ACSL1: variants seen among roughly 807,000 people sequenced by gnomAD.
ACSL1 encodes the protein long-chain-fatty-acid--CoA ligase 1.
Under a neutral mutation model 98.4 loss-of-function variants are expected in ACSL1, and 41 were observed. The observed-to-expected ratio is 0.42, with a 90% CI of 0.32 to 0.54. The LOEUF is 0.54. Ranked by LOEUF, ACSL1 falls within the 20% of genes least tolerant of loss-of-function variation. The pLI, the probability that ACSL1 is intolerant of heterozygous loss-of-function variation, is 0.13. For missense variants in ACSL1, 734 were observed against 883.1 expected (o/e 0.83, Z 2.14); for synonymous variants, 316 against 322.7 (o/e 0.98, Z 0.22).
chr4:184,765,112 A>C (rs1303871774), intron 14 of ACSL1, among the ~76,000 whole-genome samples, 187 bp from the exon 15 acceptor site: 1 of 152,192 alleles, frequency 6.6e-6, no homozygotes, highest in Non-Finnish European at 1.5e-5. Context: ...GCCGTCACCC[A>C]GGTACACCTT....
intron 1 of ACSL1, among the ~76,000 whole-genome samples, chr4:184,818,390 G>C (rs1443508886): frequency 6.6e-6 from 1 of 152,162 alleles, no homozygotes; most frequent in East Asian, 1.9e-4. Flanking sequence ...TACACGGAAA[G>C]AAACACCTCA....
At chr4:184,804,485 C>G (rs1404853660) in intron 1 of ACSL1, among the ~76,000 whole-genome samples, 1 of 151,432 alleles carries the variant, frequency 6.6e-6, no homozygotes, top group Non-Finnish European at 1.5e-5. Flanking sequence ...GAGGGTGAGG[C>G]AGGAGAATCG....
chr4:184,792,016 T>C (rs892982444), intron 2 of ACSL1, among the ~76,000 whole-genome samples: 5 of 152,218 alleles, frequency 3.3e-5, no homozygotes, highest in African/African-American at 7.2e-5. Context: ...GACCATTTTA[T>C]AACAAACTTT....
At chr4:184,816,584 A>G (rs1350291425) in intron 1 of ACSL1, among the ~76,000 whole-genome samples, 1 of 152,154 alleles carries the variant, frequency 6.6e-6, no homozygotes, top group Non-Finnish European at 1.5e-5. Flanking sequence ...TTTCACTTAA[A>G]ATTTATTATG....
rs962642454 is a variant in ACSL1 at position 184,756,161 on chromosome 4, A to G, written c.*964T>C. 6.6e-6 allele frequency: 1 copy of G among 152,496 alleles called. No homozygotes were observed. Among genetic ancestry groups the G allele is most frequent in the Non-Finnish European group, 1.5e-5 (1 of 68,044 alleles). The allele number at this position is 152,496 out of a possible 1,614,324, so 9.4% of individuals were successfully genotyped here. Reference sequence around the variant, plus strand: ...GAGTTTATTTTTTGGGGAAAAAGGCAAGTTAATCCCAACATGATCTTTTGA... The same window carrying G: ...GAGTTTATTTTTTGGGGAAAAAGGCGAGTTAATCCCAACATGATCTTTTGA... On this transcript the variant is annotated 3_prime_UTR_variant, in exon 21 of 21. Transcript: ENST00000281455.
chr4:184,786,440 A>G (rs1047783238), intron 3 of ACSL1, among the ~76,000 whole-genome samples: 98 of 146,988 alleles, frequency 6.7e-4, no homozygotes, highest in African/African-American at 2.1e-3. Context: ...ACACACACAC[A>G]CACACACACA....
At chr4:184,765,794 A>AACACACAC in intron 14 of ACSL1, 97 bp downstream of exon 14, 1 of 917,936 alleles carries the variant, frequency 1.1e-6, no homozygotes, top group Admixed American at 2.7e-5. Flanking sequence ...ATTAAGAAAG[A>AACACACAC]ACACACACAC....
At chr4:184,820,016 G>A (rs899394307) in intron 1 of ACSL1, among the ~76,000 whole-genome samples, 5 of 152,180 alleles carry the variant, frequency 3.3e-5, no homozygotes, top group East Asian at 1.9e-4. Flanking sequence ...GGGCAATACC[G>A]ACGTCCAGCC....
intron 1 of ACSL1, among the ~76,000 whole-genome samples, chr4:184,809,854 T>C (rs962560350): frequency 2.0e-5 from 3 of 152,150 alleles, no homozygotes; most frequent in Non-Finnish European, 2.9e-5. Flanking sequence ...GTTATTTGAG[T>C]TCTTTGAATA....
At chr4:184,786,467 T>G (rs1767365543) in intron 3 of ACSL1, among the ~76,000 whole-genome samples, 1 of 150,774 alleles carries the variant, frequency 6.6e-6, no homozygotes, top group South Asian at 2.1e-4. Context: ...CACTGTTTCA[T>G]GTGCCATATG....
chr4:184,789,616 G>A (rs1767994917), intron 2 of ACSL1, among the ~76,000 whole-genome samples: 1 of 152,218 alleles, frequency 6.6e-6, no homozygotes, highest in Admixed American at 6.5e-5. Context: ...TGACATCGCT[G>A]TGCACCTTTC....
chr4:184,808,817 C>A (rs977773711), intron 1 of ACSL1, among the ~76,000 whole-genome samples: 2 of 152,220 alleles, frequency 1.3e-5, no homozygotes, highest in Non-Finnish European at 2.9e-5. Flanking sequence ...GGTACGGCAG[C>A]TCAAAAGAGA....
Position 184,780,356 on chromosome 4 carries a change from G to A in ACSL1, c.453C>T (p.Gly151=). The change falls in exon 5 of 21, where the codon GGC becomes GGT. Residue 151 remains glycine (G), a synonymous_variant. Transcript: ENST00000281455. ...CCTCAGGTCTATTTTGAGCAAAGAT[G>A]CCAATGAACTGATCTGGGGCAGTCT... ...GFKTAPDQFI[G]IFAQNRPEWV... 6.2e-7 allele frequency: 1 copy of A among 1,613,766 alleles called. No individual in the cohort carries two copies. The highest frequency in any genetic ancestry group is 8.5e-7 in the Non-Finnish European group (1 of 1,179,906).
chr4:184,801,776 A>G (rs942870748), intron 2 of ACSL1, among the ~76,000 whole-genome samples: 1 of 152,228 alleles, frequency 6.6e-6, no homozygotes, highest in Non-Finnish European at 1.5e-5. Context: ...CTTGCTGCAT[A>G]TCTCAAGTTT....
chr4:184,791,412 T>G (rs967214342), intron 2 of ACSL1, among the ~76,000 whole-genome samples: 2 of 152,144 alleles, frequency 1.3e-5, no homozygotes, highest in African/African-American at 4.8e-5. Context: ...ACAGGCTCAT[T>G]CTAGAGCCAA....
At position 184,766,737 on chromosome 4, in the gene ACSL1, GT is replaced by G; in HGVS notation, c.1147del (p.Thr383ProfsTer3). On this transcript the variant is annotated frameshift_variant, in exon 13 of 21. Coordinates refer to ENST00000281455, the MANE Select transcript of ACSL1 (RefSeq NM_001995.5). LOFTEE classifies it high-confidence loss of function. This position sits in a 1 kb window ranked among gnomAD's most constrained non-coding sequence, Gnocchi z 4.8. ...GTCCAAGAGCCATCGCTTCAGCGTG[GT>G]GTTTGCTTGTCCGAAAATCTAATGA... ...MFDRIFGQANTTLKRWLLDFA... is the reference protein window; with the variant it reads ...MFDRIFGQANXTLKRWLLDFA... 6.2e-7 allele frequency: 1 copy of G among 1,612,388 alleles called. No individual in the cohort carries two copies. Among genetic ancestry groups the G allele is most frequent in the Non-Finnish European group, 8.5e-7 (1 of 1,178,664 alleles).
In ACSL1 at chr4:184,822,672, G is replaced by T. The variant is rs150026028; in HGVS notation, c.-33+3244C>A. On this transcript the variant is annotated intron_variant, in intron 1 of 20. Transcript: ENST00000281455. ...GAGGATCAACTGAGCCCAGGGAGGT[G>T]GAGAGGCTGCAACGAGCCATGATCA... 4.5e-4 allele frequency among the ~76,000 whole-genome samples: 69 copies of T among 152,194 alleles called. No homozygotes were observed. The East Asian group carries it at 0.013, about 28-fold the overall frequency.
In ACSL1 at chr4:184,773,905, T is replaced by G; in HGVS notation, c.757-30A>C. 6.2e-7 allele frequency: 1 copy of G among 1,613,308 alleles called. No individual in the cohort carries two copies. The highest frequency in any genetic ancestry group is 1.3e-5 in the African/African-American group (1 of 75,000). ...ATTAGAAGAGAAAAAAAGTCTTAAA[T>G]GGAAACGTTTTCTAACTGTAAAGGA... is the stretch of plus-strand genomic sequence containing the variant. On this transcript the variant is annotated intron_variant, in intron 7 of 20. Coordinates refer to ENST00000281455, the MANE Select transcript of ACSL1 (RefSeq NM_001995.5). The surrounding 1 kb of genome is among the most constrained non-coding windows in gnomAD (Gnocchi z 4.3).
chr4:184,759,469 A>G (rs1004215840), intron 18 of ACSL1, among the ~76,000 whole-genome samples: 4 of 152,220 alleles, frequency 2.6e-5, no homozygotes, highest in Admixed American at 6.5e-5. Context: ...AGAATCTACA[A>G]TGAACTGAAA....
Sources: allele counts gnomAD v4.1 joint callset (sites outside exome capture counted in the v4.1 genomes callset), GRCh38; gene constraint gnomAD v4.1.1; non-coding constraint Gnocchi (gnomAD v3.1); transcripts MANE v1.5; gene names NCBI Gene and HGNC (gene_info 2026-07-23, HGNC 2026-07-21).